Variants in ABR observed in about 807,000 individuals in gnomAD.
ABR encodes the protein ABR activator of RhoGEF and GTPase.
Under a neutral mutation model 107.2 loss-of-function variants are expected in ABR, and 35 were observed. The ratio of observed to expected loss-of-function variants is 0.33; its 90% CI spans 0.25 to 0.43. The LOEUF (loss-of-function observed/expected upper bound fraction) is 0.43. Among genes scored for constraint, ABR ranks in the 20% least tolerant of loss-of-function variants. The pLI, the probability that ABR is intolerant of heterozygous loss-of-function variation, is 1.00. For synonymous variants in ABR, 498 were observed against 462.0 expected (o/e 1.08, Z -1.00); for missense variants, 815 against 1,115.2 (o/e 0.73, Z 3.83).
At chr17:1,227,300 G>A (rs1318210061) in intron 1 of ABR, among the ~76,000 whole-genome samples, 2 of 152,158 alleles carry the variant, frequency 1.3e-5, no homozygotes, top group African/African-American at 4.8e-5. Flanking sequence ...TGACAGATGT[G>A]GGTCTGGGGG....
At position 1,187,261 on chromosome 17, in the gene ABR, G is replaced by T. The variant is rs1280079463; in HGVS notation, c.-539C>A. On this transcript the variant is annotated 5_prime_UTR_variant, in exon 1 of 23. Coordinates refer to the ABR transcript ENST00000544583. ...CCTCTGCTCTGGGGCTGCCGGTCGG[G>T]CCGTGTGTGCTGTGTCTCTTTAAGG... 3 of 152,454 alleles carry T rather than the reference G, an allele frequency of 2.0e-5. No individual in the cohort carries two copies. The South Asian group carries it at 6.2e-4, about 31-fold the overall frequency. The allele number at this position is 152,454 out of a possible 1,614,324, so 9.4% of individuals were successfully genotyped here. A position where few individuals can be genotyped will look rare whatever the true frequency, so the allele number is the denominator to read the frequency against.
At chr17:1,176,584 G>C (rs146545320) in intron 1 of ABR, among the ~76,000 whole-genome samples, 1 of 152,180 alleles carries the variant, frequency 6.6e-6, no homozygotes, top group African/African-American at 2.4e-5. Context: ...AGTGGCTCAC[G>C]CCAGTAATCC....
chr17:1,174,634 T>C (rs184116685), intron 1 of ABR, among the ~76,000 whole-genome samples: 35 of 152,318 alleles, frequency 2.3e-4, no homozygotes, highest in African/African-American at 8.4e-4. Flanking sequence ...GTAAGAGAAG[T>C]GAGCTCCAAA....
At chr17:1,080,050 A>G (rs1287468339) in intron 5 of ABR, among the ~76,000 whole-genome samples, 1 of 152,048 alleles carries the variant, frequency 6.6e-6, no homozygotes, top group Non-Finnish European at 1.5e-5. Context: ...ACAGGGTTTG[A>G]GTTGACCAGC....
At position 1,168,251 on chromosome 17, in the gene ABR, G is replaced by A. The variant is rs544045784; in HGVS notation, c.61+11416C>T. Among the ~76,000 whole-genome samples the A allele has an allele frequency of 4.4e-4, 67 of 152,294 alleles. 1 individual carries two copies. The highest frequency in any genetic ancestry group is 7.2e-4 in the Admixed American group (11 of 15,296). ...CAGTGAGCACTGCAGAGGTTGTGGA[G>A]ATTGCACCATTGCACTCCAGCCTGG... On this transcript the variant is annotated intron_variant, in intron 1 of 22. Transcript: ENST00000302538.
intron 1 of ABR, among the ~76,000 whole-genome samples, chr17:1,220,897 C>T (rs73281111): frequency 0.025 from 3,808 of 152,246 alleles, 99 homozygotes; most frequent in African/African-American, 0.07. Context: ...GTCTAAACGA[C>T]GGTCCCCGCT....
At chr17:1,044,161 G>A (rs2031164970) in intron 16 of ABR, among the ~76,000 whole-genome samples, 6 of 151,556 alleles carry the variant, frequency 4.0e-5, no homozygotes, top group Admixed American at 2.6e-4. Context: ...CCAGGAGCCA[G>A]GGCAGACTAC....
intron 6 of ABR, among the ~76,000 whole-genome samples, chr17:1,074,992 A>AG (rs749587301): frequency 2.5e-4 from 38 of 152,312 alleles, no homozygotes; most frequent in Non-Finnish European, 3.7e-4. Context: ...TGGCAGCCTG[A>AG]GGGGCAAAGG....
chr17:1,012,079 C>G (rs755388177), intron 18 of ABR, 94 bp from the exon 19 acceptor site: 16 of 1,587,752 alleles, frequency 1.0e-5, no homozygotes, highest in Admixed American at 1.7e-5. Context: ...TGGAGAGCTT[C>G]TAGCATTTGG....
chr17:1,139,886 A>G (rs2040223955), intron 1 of ABR, among the ~76,000 whole-genome samples: 1 of 152,156 alleles, frequency 6.6e-6, no homozygotes, highest in Non-Finnish European at 1.5e-5. Flanking sequence ...GAAAAGGTCC[A>G]TTTGCGGCAG....
At chr17:1,112,887 T>G (rs1357768883) in intron 2 of ABR, among the ~76,000 whole-genome samples, 1 of 151,474 alleles carries the variant, frequency 6.6e-6, no homozygotes, top group South Asian at 2.1e-4. Flanking sequence ...TCAGCAAGCA[T>G]TTGTTAACGC....
chr17:1,191,659 A>C (rs2042439480), upstream of ABR, among the ~76,000 whole-genome samples: 2 of 152,078 alleles, frequency 1.3e-5, no homozygotes, highest in South Asian at 4.1e-4. Context: ...CTGTTCTGAC[A>C]TATTCAATAG....
At position 1,071,102 on chromosome 17, in the gene ABR, G is replaced by A. The variant is rs1314878538; in HGVS notation, c.895-1012C>T. Among the ~76,000 whole-genome samples the A allele has an allele frequency of 6.6e-6, 1 of 152,144 alleles. No homozygotes were observed. Among genetic ancestry groups the A allele is most frequent in the Non-Finnish European group, 1.5e-5 (1 of 68,018 alleles). ...TGCTTGAACCCAGAGGGTGGAGGCT[G>A]CAGTGGAGCTGAGGTCACGCCATTG... On this transcript the variant is annotated intron_variant, in intron 8 of 22. Coordinates refer to ENST00000302538, the MANE Select transcript of ABR (RefSeq NM_021962.5). This position sits in a 1 kb window ranked among gnomAD's most constrained non-coding sequence, Gnocchi z 5.1.
At chr17:1,066,222 C>G (rs1307325777) in intron 10 of ABR, among the ~76,000 whole-genome samples, 1 of 152,160 alleles carries the variant, frequency 6.6e-6, no homozygotes, top group Non-Finnish European at 1.5e-5. Context: ...CCACTGTGGT[C>G]TGTGAACATG....
chr17:1,177,046 C>A (rs1419031654), intron 1 of ABR, among the ~76,000 whole-genome samples: 3 of 152,008 alleles, frequency 2.0e-5, no homozygotes, highest in African/African-American at 7.3e-5. Context: ...CCACCCTGTG[C>A]CCTGGGTATA....
Position 1,179,306 on chromosome 17 carries a change from C to T in ABR, c.61+361G>A, listed in dbSNP as rs2042033661. ...CCGGTCCAGGGGCGGGGGCAGCACC[C>T]AGAAGGGCCTCCCTCCCCTGAGGCT... On this transcript the variant is annotated intron_variant, in intron 1 of 22. Transcript: ENST00000302538. The surrounding 1 kb of genome is among the most constrained non-coding windows in gnomAD (Gnocchi z 4.9). Among the ~76,000 whole-genome samples the T allele has an allele frequency of 6.6e-6, 1 of 152,030 alleles. No individual in the cohort carries two copies. The highest frequency in any genetic ancestry group is 1.9e-4 in the East Asian group (1 of 5,152).
At chr17:1,079,047 G>A in intron 6 of ABR, 2 of 1,439,366 alleles carry the variant, frequency 1.4e-6, no homozygotes, top group Non-Finnish European at 1.8e-6. Context: ...GAGGAGGGAA[G>A]GGGAAGGGGA....
At chr17:1,133,242 C>CG (rs879378171) in intron 1 of ABR, among the ~76,000 whole-genome samples, 4 of 104,902 alleles carry the variant, frequency 3.8e-5, no homozygotes, top group Admixed American at 1.1e-4. Context: ...AACTCCGTCT[C>CG]GAAAAAAAAA....
Position 1,067,166 on chromosome 17 carries a change from C to G in ABR, c.1093G>C (p.Ala365Pro). The change falls in exon 10 of 23, where the codon GCC becomes CCC. Residue 365 changes from alanine (A) to proline (P), a missense_variant. Ala to Pro is a conservative substitution (Grantham distance 27, BLOSUM62 -1). This residue lies in a region of ABR where 385 missense variants were observed against 596.9 expected (regional missense o/e 0.64). Transcript: ENST00000302538. ...LVFPSPEESE[A>P]SPQVHPFPDH... is the part of the protein sequence containing the mutation. ...GGGAAGGGGTGCACCTGGGGGCTGGCCTCAGACTCCTCGGGGGATGGAAAC... is the reference window on the plus strand; with the variant it reads ...GGGAAGGGGTGCACCTGGGGGCTGGGCTCAGACTCCTCGGGGGATGGAAAC... 1 of 1,613,730 alleles carries G rather than the reference C, an allele frequency of 6.2e-7. No homozygotes were observed. The highest frequency in any genetic ancestry group is 8.5e-7 in the Non-Finnish European group (1 of 1,179,886).
Sources: allele counts gnomAD v4.1 joint callset (sites outside exome capture counted in the v4.1 genomes callset), GRCh38; gene constraint gnomAD v4.1.1; regional missense constraint gnomAD v4.1.1; non-coding constraint Gnocchi (gnomAD v3.1); transcripts MANE v1.5; gene names NCBI Gene and HGNC (gene_info 2026-07-23, HGNC 2026-07-21).